The following TRIM36 variants were observed in gnomAD, a reference collection of about 807,000 sequenced individuals.
The protein encoded by TRIM36 is tripartite motif containing 36.
TRIM36 carries 42 observed loss-of-function variants against 72.4 expected under a neutral mutation model. The ratio of observed to expected loss-of-function variants is 0.58; its 90% CI spans 0.45 to 0.75. The LOEUF (loss-of-function observed/expected upper bound fraction) is 0.75, where lower values mean the gene tolerates loss of function less well. Ranked by LOEUF, TRIM36 falls within the 30% of genes least tolerant of loss-of-function variation. TRIM36 has a pLI of 0.00. For missense variants in TRIM36, 913 were observed against 857.1 expected (o/e 1.07, Z -0.81); for synonymous variants, 315 against 282.8 (o/e 1.11, Z -1.14).
At chr5:115,165,804 T>G (rs1389642547) in intron 1 of TRIM36, among the ~76,000 whole-genome samples, 1 of 151,978 alleles carries the variant, frequency 6.6e-6, no homozygotes, top group Non-Finnish European at 1.5e-5. Flanking sequence ...CCAGGATGCC[T>G]CTCTTCCCCC....
At chr5:115,172,079 C>T (rs1755140279), upstream of TRIM36, among the ~76,000 whole-genome samples, 1 of 151,966 alleles carries the variant, frequency 6.6e-6, no homozygotes, top group African/African-American at 2.4e-5. Context: ...ATTTTTGTGC[C>T]TCAAATATGT....
chr5:115,157,627 A>C (rs992441502), intron 2 of TRIM36, among the ~76,000 whole-genome samples: 3 of 152,148 alleles, frequency 2.0e-5, no homozygotes, highest in Admixed American at 2.0e-4. Context: ...GCGGGTATCT[A>C]CCCAGAGGAA....
chr5:115,128,063 TTG>T (rs1342649977), intron 9 of TRIM36, among the ~76,000 whole-genome samples: 2 of 140,008 alleles, frequency 1.4e-5, no homozygotes, highest in Admixed American at 1.5e-4. Context: ...AAAAAAAAAC[TTG>T]TAGAACAAGG....
upstream of TRIM36, chr5:115,180,287 A>G (rs2126966938): frequency 2.7e-6 from 1 of 369,122 alleles, no homozygotes; most frequent in Non-Finnish European, 4.9e-6. Flanking sequence ...TGCGCGATCT[A>G]ACGGAACAAA....
Position 115,126,389 on chromosome 5 carries a change from T to C in TRIM36, c.*114A>G, listed in dbSNP as rs561853026. On this transcript the variant is annotated 3_prime_UTR_variant, in exon 10 of 10. Transcript: ENST00000513154. The stretch of plus-strand genomic sequence containing the variant: ...TTCTGTATTTCAAGAAGAATCATAC[T>C]CAAACACAAGTGGGGTGACAGAACA... The C allele has an allele frequency of 2.5e-5, 20 of 796,992 alleles. No homozygotes were observed. In the East Asian group the frequency reaches 4.6e-4, roughly 18 times the overall value. 49.4% of individuals were successfully genotyped at this position (796,992 alleles called of 1,614,324 possible).
chr5:115,130,509 T>C (rs1230330596), intron 9 of TRIM36, 83 bp downstream of exon 9: 3 of 1,444,220 alleles, frequency 2.1e-6, no homozygotes, highest in African/African-American at 1.4e-5. Context: ...AAGAAATGTA[T>C]ACTCCAAATG....
chr5:115,141,112 A>G (rs1261162268), intron 5 of TRIM36, among the ~76,000 whole-genome samples, 167 bp downstream of exon 5: 3 of 152,160 alleles, frequency 2.0e-5, no homozygotes, highest in Admixed American at 2.0e-4. Flanking sequence ...CAACATTATA[A>G]TTCATTTTTT....
At chr5:115,128,434 A>G (rs1367283956) in intron 9 of TRIM36, among the ~76,000 whole-genome samples, 3 of 151,890 alleles carry the variant, frequency 2.0e-5, no homozygotes, top group African/African-American at 7.3e-5. Flanking sequence ...TGTTCCTACA[A>G]GAGAGTTAAA....
intron 1 of TRIM36, chr5:115,177,931 A>C (rs1755418445): frequency 1.9e-6 from 3 of 1,576,290 alleles, no homozygotes; most frequent in Non-Finnish European, 2.6e-6. Flanking sequence ...TGAAGCCAGA[A>C]AGTTAGTTTG....
At chr5:115,149,980 C>T (rs367946668) in intron 2 of TRIM36, among the ~76,000 whole-genome samples, 7 of 152,202 alleles carry the variant, frequency 4.6e-5, no homozygotes, top group Admixed American at 2.0e-4. Context: ...AGGATGGTCT[C>T]GATCTCCTGA....
rs566642343 is a variant in TRIM36 at position 115,125,938 on chromosome 5, T to C, written c.*565A>G. On this transcript the variant is annotated 3_prime_UTR_variant, in exon 10 of 10. Coordinates refer to ENST00000513154, the MANE Select transcript of TRIM36 (RefSeq NM_001300759.2). ...TATTCCTTTTCCAGGCAATATATTT[T>C]TAATAGTTACACACTTTAAAATACA... 6.6e-6 allele frequency: 1 copy of C among 152,346 alleles called. No homozygotes were observed. The highest frequency in any genetic ancestry group is 1.5e-5 in the Non-Finnish European group (1 of 68,078). 9.4% of individuals were successfully genotyped at this position (152,346 alleles called of 1,614,324 possible).
chr5:115,128,729 G>A (rs544027992), intron 9 of TRIM36, among the ~76,000 whole-genome samples: 3 of 110,748 alleles, frequency 2.7e-5, no homozygotes, highest in Non-Finnish European at 3.7e-5. Flanking sequence ...TCCGCAGTCC[G>A]GCCTGGGCGA....
chr5:115,157,988 A>C (rs887286361), intron 2 of TRIM36, among the ~76,000 whole-genome samples: 1 of 152,286 alleles, frequency 6.6e-6, no homozygotes, highest in African/African-American at 2.4e-5. Context: ...CGGGTGAGGG[A>C]CAAAAGACTA....
At chr5:115,167,057 T>C (rs1334447915) in intron 1 of TRIM36, among the ~76,000 whole-genome samples, 1 of 152,210 alleles carries the variant, frequency 6.6e-6, no homozygotes, top group African/African-American at 2.4e-5. Context: ...CACAGCCTGC[T>C]GGGTCAAGTG....
intron 8 of TRIM36, among the ~76,000 whole-genome samples, chr5:115,133,027 G>C (rs944401629): frequency 1.3e-5 from 2 of 151,856 alleles, no homozygotes; most frequent in African/African-American, 4.8e-5. Flanking sequence ...TTTCTATTTT[G>C]AACAAAAAAG....
chr5:115,140,040 T>G (rs568671392), intron 5 of TRIM36, among the ~76,000 whole-genome samples: 1 of 152,294 alleles, frequency 6.6e-6, no homozygotes, highest in East Asian at 1.9e-4. Flanking sequence ...AGTCTGTCAC[T>G]TAATCCAACA....
Position 115,147,346 on chromosome 5 carries a change from G to C in TRIM36, c.311C>G (p.Pro104Arg). ...LTPRTTVFPC[P>R]GCEHDVDLGE... ...AAGATCCACATCATGCTCACAGCCA[G>C]GGCAAGGGAAAACAGTTGTCCTCGG... is the stretch of plus-strand genomic sequence containing the variant. The change falls in exon 3 of 10, where the codon CCT (proline) becomes CGT (arginine). Residue 104 changes from proline to arginine, a missense_variant. Physicochemically the swap from Pro to Arg is moderately radical, Grantham distance 103 (BLOSUM62 -2). Coordinates refer to ENST00000513154, the MANE Select transcript of TRIM36 (RefSeq NM_001300759.2). 1 of 1,613,906 alleles carries C rather than the reference G, an allele frequency of 6.2e-7. No homozygotes were observed. The highest frequency in any genetic ancestry group is 8.5e-7 in the Non-Finnish European group (1 of 1,179,780).
chr5:115,179,443 G>A (rs955390159), intron 1 of TRIM36, among the ~76,000 whole-genome samples: 5 of 152,234 alleles, frequency 3.3e-5, no homozygotes, highest in Admixed American at 3.3e-4. Flanking sequence ...CCTGGAAAGA[G>A]GCCCGAAAAG....
chr5:115,155,827 T>C (rs953762687), intron 2 of TRIM36, among the ~76,000 whole-genome samples: 14 of 151,940 alleles, frequency 9.2e-5, no homozygotes, highest in Admixed American at 3.3e-4. Context: ...CAATCAGACA[T>C]AAATGGCAAC....
Sources: allele counts gnomAD v4.1 joint callset (sites outside exome capture counted in the v4.1 genomes callset), GRCh38; gene constraint gnomAD v4.1.1; transcripts MANE v1.5; gene names NCBI Gene and HGNC (gene_info 2026-07-23, HGNC 2026-07-21).